The following CCT2 variants were observed in gnomAD, a reference collection of about 807,000 sequenced individuals.
The protein encoded by CCT2 is T-complex protein 1 subunit beta.
In CCT2, 18 loss-of-function variants were observed where a neutral mutation model predicts 61.8. That is an observed-to-expected ratio of 0.29 (90% CI 0.20 to 0.43). The LOEUF (loss-of-function observed/expected upper bound fraction) is 0.43, where lower values mean the gene tolerates loss of function less well. CCT2 is among the 20% of genes least tolerant of loss of function. CCT2 has a pLI of 1.00. For synonymous variants in CCT2, 248 were observed against 215.9 expected, an observed-to-expected ratio of 1.15 and a Z score of -1.30; for missense variants, 556 against 656.9, an observed-to-expected ratio of 0.85 and a Z score of 1.68.
intron 12 of CCT2, 100 bp from the exon 13 acceptor site, chr12:69,597,868 G>A: frequency 7.1e-7 from 1 of 1,416,336 alleles, no homozygotes; most frequent in Non-Finnish European, 9.7e-7. Flanking sequence ...TATTGCTTTT[G>A]CACTAAATTT....
chr12:69,594,435 C>T (rs536848970), intron 10 of CCT2, among the ~76,000 whole-genome samples: 2 of 152,254 alleles, frequency 1.3e-5, no homozygotes, highest in East Asian at 3.9e-4. Context: ...ATACGTGAAA[C>T]AATCAACATT....
chr12:69,590,499 A>G (rs574824022), intron 7 of CCT2, among the ~76,000 whole-genome samples: 2 of 152,172 alleles, frequency 1.3e-5, no homozygotes, highest in African/African-American at 2.4e-5. Context: ...TCATCTTCAC[A>G]TTATATTTAC....
In CCT2 at chr12:69,585,539, C is replaced by A; in HGVS notation, c.3+15C>A. ...TCGGAACCATGGTGAGCCTGACTCC[C>A]CTGCCTCTTGCCCTACCCCTGCTCC... On this transcript the variant is annotated intron_variant, in intron 1 of 15. Transcript: ENST00000299300. 6.4e-7 allele frequency: 1 copy of A among 1,571,530 alleles called. No homozygotes were observed. The highest frequency in any genetic ancestry group is 2.3e-5 in the East Asian group (1 of 42,714).
rs557498199 is a variant in CCT2 at position 69,587,135 on chromosome 12, T to C, written c.144+317T>C. 9.0e-5 allele frequency: 29 copies of C among 322,594 alleles called. 1 individual carries two copies. The South Asian group carries it at 1.0e-3, about 11-fold the overall frequency. 20.0% of individuals were successfully genotyped at this position (322,594 alleles called of 1,614,324 possible). On this transcript the variant is annotated intron_variant, in intron 3 of 15. Coordinates refer to ENST00000299300, the MANE Select transcript of CCT2 (RefSeq NM_006431.3). ...AAAACAGATACTATTTATCAATACT[T>C]TTTTGTAGCTTGCTCTTTTAAATTC...
chr12:69,596,068 C>G (rs1213176080), intron 10 of CCT2, among the ~76,000 whole-genome samples: 6 of 152,190 alleles, frequency 3.9e-5, no homozygotes, highest in East Asian at 1.9e-4. Flanking sequence ...GCAAGACACT[C>G]TCTCTTTAAA....
intron 6 of CCT2, 177 bp from the exon 7 acceptor site, chr12:69,589,308 T>G: frequency 1.7e-6 from 1 of 593,604 alleles, no homozygotes; most frequent in Non-Finnish European, 2.9e-6. Flanking sequence ...TTTGCCAGTT[T>G]GGTGGGGAAA....
chr12:69,595,725 G>A (rs1034812958), intron 10 of CCT2, among the ~76,000 whole-genome samples: 4 of 151,324 alleles, frequency 2.6e-5, no homozygotes, highest in Admixed American at 6.6e-5. Flanking sequence ...GAAGTAAATG[G>A]TAATAATATA....
intron 10 of CCT2, among the ~76,000 whole-genome samples, chr12:69,594,746 T>C (rs1565801157): frequency 6.6e-6 from 1 of 151,780 alleles, no homozygotes; most frequent in Non-Finnish European, 1.5e-5. Context: ...ACTTGGGAGG[T>C]TGAGGCAGGA....
chr12:69,587,787 A>G (rs1475283346), intron 4 of CCT2, 143 bp from the exon 5 acceptor site: 5 of 768,134 alleles, frequency 6.5e-6, no homozygotes, highest in Non-Finnish European at 1.1e-5. Context: ...GTTGGTGGTA[A>G]AACTGTTGCA....
rs1882016274 is a variant in CCT2 at position 69,597,175 on chromosome 12, C to T, written c.1002C>T (p.Thr334=). The change falls in exon 11 of 16, where the codon ACC becomes ACT. Residue 334 remains threonine, a synonymous_variant. Coordinates refer to ENST00000299300, the MANE Select transcript of CCT2 (RefSeq NM_006431.3). ...ALVTGGEIAS[T]FDHPELVKLG... ...TTATAGGTGGTGAAATTGCCTCTACCTTTGATCACCCAGAACTGGTGAAGC... is the reference window on the plus strand; with the variant it reads ...TTATAGGTGGTGAAATTGCCTCTACTTTTGATCACCCAGAACTGGTGAAGC... 14 of 1,613,766 alleles carry T rather than the reference C, an allele frequency of 8.7e-6. No homozygotes were observed. Among genetic ancestry groups the T allele is most frequent in the Non-Finnish European group, 1.2e-5 (14 of 1,179,752 alleles).
At position 69,597,277 on chromosome 12, in the gene CCT2, T is replaced by C; in HGVS notation, c.1102+2T>C. On this transcript the variant is annotated splice_donor_variant, in intron 11 of 15. Coordinates refer to ENST00000299300, the MANE Select transcript of CCT2 (RefSeq NM_006431.3). LOFTEE classifies it high-confidence loss of function. ...TTCACTTTTCTGGGGTTGCCCTTGG[T>C]GAGTGATTATGTAGATCCTGGTTAG... is the stretch of plus-strand genomic sequence containing the variant. The C allele has an allele frequency of 6.2e-7, 1 of 1,613,804 alleles. No individual in the cohort carries two copies. Among genetic ancestry groups the C allele is most frequent in the South Asian group, 1.1e-5 (1 of 91,046 alleles).
intron 11 of CCT2, 87 bp downstream of exon 11, chr12:69,597,362 C>T (rs1042591292): frequency 6.2e-6 from 9 of 1,463,396 alleles, no homozygotes; most frequent in East Asian, 2.3e-5. Context: ...ACTAGAATAG[C>T]ATATCTTACA....
At chr12:69,592,664 G>C (rs531323250) in intron 8 of CCT2, 2 of 244,404 alleles carry the variant, frequency 8.2e-6, no homozygotes, top group African/African-American at 2.3e-5. Context: ...GGTGGTTCAC[G>C]CCTGTAATCC....
intron 10 of CCT2, among the ~76,000 whole-genome samples, chr12:69,596,802 G>A (rs1882005358): frequency 6.6e-6 from 1 of 152,144 alleles, no homozygotes; most frequent in African/African-American, 2.4e-5. Context: ...TTAACCTTGG[G>A]AAGGTAGTAT....
chr12:69,592,162 A>G lies in CCT2; in HGVS notation c.750+3A>G. On this transcript the variant is annotated splice_donor_region_variant and intron_variant, in intron 8 of 15. Coordinates refer to ENST00000299300, the MANE Select transcript of CCT2 (RefSeq NM_006431.3). ...GTATGGATACAGACAAAATAAAGGTATGTAACTCTACTTTTTAAAAATTAA... is the reference window on the plus strand; with the variant it reads ...GTATGGATACAGACAAAATAAAGGTGTGTAACTCTACTTTTTAAAAATTAA... 6.8e-7 allele frequency: 1 copy of G among 1,464,218 alleles called. No homozygotes were observed. The highest frequency in any genetic ancestry group is 9.5e-7 in the Non-Finnish European group (1 of 1,047,748). 90.7% of individuals were successfully genotyped at this position (1,464,218 alleles called of 1,614,324 possible). A position where few individuals can be genotyped will look rare whatever the true frequency, so the allele number is the denominator to read the frequency against.
chr12:69,592,878 A>C, intron 8 of CCT2, 98 bp from the exon 9 acceptor site: 1 of 1,140,626 alleles, frequency 8.8e-7, no homozygotes, highest in East Asian at 2.7e-5. Flanking sequence ...CAGTGAGCCG[A>C]GATTGCCCCA....
rs770724229 is a variant in CCT2, at chr12:69,592,136, G to A, written c.727G>A (p.Gly243Ser). ...ENAKILIANT[G>S]MDTDKIKIFG... is the part of the protein sequence containing the mutation. Reference sequence around the variant, plus strand: ...TGCTAAAATTCTTATTGCAAATACTGGTATGGATACAGACAAAATAAAGGT... The same window carrying A: ...TGCTAAAATTCTTATTGCAAATACTAGTATGGATACAGACAAAATAAAGGT... Residue 243 changes from glycine (G) to serine (S), a missense_variant, in exon 8 of 16, where the codon GGT becomes AGT. Coordinates refer to ENST00000299300, the MANE Select transcript of CCT2 (RefSeq NM_006431.3). 6.3e-7 allele frequency: 1 copy of A among 1,578,278 alleles called. No homozygotes were observed. Among genetic ancestry groups the A allele is most frequent in the Non-Finnish European group, 8.7e-7 (1 of 1,147,914 alleles).
intron 2 of CCT2, 81 bp from the exon 3 acceptor site, chr12:69,586,672 A>G (rs1881672452): frequency 8.7e-7 from 1 of 1,148,272 alleles, no homozygotes; most frequent in East Asian, 2.4e-5. Flanking sequence ...TGCCTCAAAA[A>G]AAAAAAAAAG....
chr12:69,585,682 A>T (rs2135847446), intron 1 of CCT2, 158 bp downstream of exon 1: 1 of 1,512,790 alleles, frequency 6.6e-7, no homozygotes, highest in East Asian at 2.5e-5. Context: ...GGCCTGCGCC[A>T]GGCCAGCCGG....
Sources: gnomAD v4.1 joint callset for allele counts (sites outside exome capture counted in the v4.1 genomes callset) on GRCh38, gnomAD v4.1.1 for gene constraint, MANE v1.5 for transcripts, NCBI Gene and HGNC (gene_info 2026-07-23, HGNC 2026-07-21) for gene names.